The following ISM1 variants were observed in gnomAD, a reference collection of about 807,000 sequenced individuals.
ISM1 encodes the protein isthmin-1.
In ISM1, 25 loss-of-function variants were observed where a neutral mutation model predicts 46.3. That is an observed-to-expected ratio of 0.54 (90% CI 0.39 to 0.75). The LOEUF (loss-of-function observed/expected upper bound fraction) is 0.75. Ranked by LOEUF, ISM1 falls within the 30% of genes least tolerant of loss-of-function variation. The pLI is 0.00. For missense variants in ISM1, 536 were observed against 625.4 expected (o/e 0.86, Z 1.52); for synonymous variants, 255 against 256.7 (o/e 0.99, Z 0.06).
intron 5 of ISM1, among the ~76,000 whole-genome samples, chr20:13,292,923 G>A (rs1238133650): frequency 2.0e-5 from 3 of 152,074 alleles, no homozygotes; most frequent in South Asian, 4.2e-4. Context: ...CGGGCCAGGC[G>A]CGGTGGGTCA....
chr20:13,306,564 C>CAAAAAAAAAAAAAAAAAAAAAAAA, the ISM1 span, among the ~76,000 whole-genome samples: 10 of 63,908 alleles, frequency 1.6e-4, no homozygotes, highest in Non-Finnish European at 2.4e-4. Context: ...GGAGAAAGGA[C>CAAAAAAAAAAAAAAAAAAAAAAAA]AAAAAAAAAA....
the ISM1 span, among the ~76,000 whole-genome samples, chr20:13,321,132 G>T: frequency 6.6e-6 from 1 of 151,700 alleles, no homozygotes; most frequent in Admixed American, 6.6e-5. Context: ...CCAGGAGGAG[G>T]TGAAGGTTTC....
intron 2 of ISM1, 90 bp downstream of exon 2, chr20:13,270,833 A>C: frequency 8.7e-6 from 11 of 1,259,608 alleles, no homozygotes; most frequent in African/African-American, 1.5e-5. Flanking sequence ...GCCTTACCTC[A>C]CTTTTCTTCT....
intron 1 of ISM1, among the ~76,000 whole-genome samples, chr20:13,253,037 G>A (rs1024051405): frequency 2.0e-5 from 3 of 152,206 alleles, no homozygotes; most frequent in African/African-American, 7.2e-5. Context: ...CCATGGACCT[G>A]TGTGGCTTAA....
Position 13,299,601 on chromosome 20 carries a change from C to T in ISM1, c.*142C>T. ...CCACATGAGTATTTCTCATACATTA[C>T]GCTAGGGGCGTGTGCCACGCCCAGG... On this transcript the variant is annotated 3_prime_UTR_variant, in exon 6 of 6. Coordinates refer to ENST00000262487, the MANE Select transcript of ISM1 (RefSeq NM_080826.2). This position sits in a 1 kb window ranked among gnomAD's most constrained non-coding sequence, Gnocchi z 5.8. The T allele has an allele frequency of 3.6e-6, 3 of 823,144 alleles. No individual in the cohort carries two copies. Among genetic ancestry groups the T allele is most frequent in the Non-Finnish European group, 5.6e-6 (3 of 534,644 alleles). The allele number at this position is 823,144 out of a possible 1,614,324, so 51.0% of individuals were successfully genotyped here.
chr20:13,236,706 G>A (rs2123151338), intron 1 of ISM1, among the ~76,000 whole-genome samples: 1 of 152,310 alleles, frequency 6.6e-6, no homozygotes, highest in Middle Eastern at 3.4e-3. Context: ...TTCCAAATGG[G>A]AGAAACTGGC....
chr20:13,280,403 C>CA (rs1555814323), intron 3 of ISM1, among the ~76,000 whole-genome samples: 2 of 129,172 alleles, frequency 1.5e-5, no homozygotes, highest in East Asian at 2.6e-4. Flanking sequence ...CCCCCCCCCC[C>CA]AATACATTTC....
At chr20:13,268,340 T>C (rs1339260741) in intron 1 of ISM1, among the ~76,000 whole-genome samples, 1 of 144,692 alleles carries the variant, frequency 6.9e-6, no homozygotes, top group Non-Finnish European at 1.5e-5. Flanking sequence ...TCCTTCTCCT[T>C]CTTCTTCCTC....
downstream of ISM1, among the ~76,000 whole-genome samples, chr20:13,304,981 C>G (rs1181998715): frequency 1.3e-5 from 2 of 152,140 alleles, no homozygotes; most frequent in Admixed American, 1.3e-4. Flanking sequence ...ACCAAGACAT[C>G]ACTTCACGCT....
At chr20:13,267,519 A>G (rs919025454) in intron 1 of ISM1, among the ~76,000 whole-genome samples, 1 of 152,188 alleles carries the variant, frequency 6.6e-6, no homozygotes, top group Non-Finnish European at 1.5e-5. Flanking sequence ...GGGAGGGTAC[A>G]GGGCTCTTCT....
At chr20:13,236,676 G>T (rs2039654004) in intron 1 of ISM1, among the ~76,000 whole-genome samples, 2 of 152,176 alleles carry the variant, frequency 1.3e-5, no homozygotes, top group South Asian at 2.1e-4. Context: ...GGGGGTACAG[G>T]TATTGGGTAA....
At chr20:13,301,574 C>T (rs672074), downstream of ISM1, among the ~76,000 whole-genome samples, 122,236 of 152,114 alleles carry the variant, frequency 0.8, 49,223 homozygotes, top group East Asian at 0.86. Flanking sequence ...TGTCTAATCA[C>T]GGAATGAGAA....
intron 1 of ISM1, among the ~76,000 whole-genome samples, chr20:13,233,006 G>T (rs1174576643): frequency 6.7e-6 from 1 of 148,688 alleles, no homozygotes; most frequent in East Asian, 2.0e-4. Flanking sequence ...GTTGTGAAAA[G>T]AAAATTCGAT....
At chr20:13,263,480 T>C (rs910386) in intron 1 of ISM1, among the ~76,000 whole-genome samples, 47,774 of 152,028 alleles carry the variant, frequency 0.31, 8,559 homozygotes, top group African/African-American at 0.47. Flanking sequence ...ATCTTAGGAG[T>C]GCTTGCTCCT....
intron 1 of ISM1, among the ~76,000 whole-genome samples, chr20:13,232,804 A>G (rs1399071192): frequency 6.6e-6 from 1 of 152,244 alleles, no homozygotes; most frequent in Non-Finnish European, 1.5e-5. Flanking sequence ...TCCCAGGATG[A>G]TATTTTTCTT....
chr20:13,257,844 G>A (rs560096335), intron 1 of ISM1, among the ~76,000 whole-genome samples: 13 of 152,100 alleles, frequency 8.5e-5, no homozygotes, highest in Non-Finnish European at 5.9e-5. Context: ...TTCTGGAGCC[G>A]AGCAGCATTT....
chr20:13,221,841 C>A lies in ISM1; in HGVS notation c.65C>A (p.Thr22Asn). Residue 22 changes from threonine (T) to asparagine (N), a missense_variant, in exon 1 of 6, where the codon ACC becomes AAC. Physicochemically the swap from Thr to Asn is moderately conservative, Grantham distance 65. Transcript: ENST00000262487. ...LGLLLLTLHI[T>N]VLRGSGAADG... ...CTGCTGCTGCTCACGCTGCACATCA[C>A]CGTGCTGCGCGGCTCGGGAGCCGCC... The A allele has an allele frequency of 1.4e-6, 2 of 1,443,308 alleles. No homozygotes were observed. The highest frequency in any genetic ancestry group is 3.0e-5 in the East Asian group (1 of 32,902). 89.4% of individuals were successfully genotyped at this position (1,443,308 alleles called of 1,614,324 possible). A position where few individuals can be genotyped will look rare whatever the true frequency, so the allele number is the denominator to read the frequency against.
chr20:13,224,036 T>C (rs1026863104), intron 1 of ISM1, among the ~76,000 whole-genome samples: 3 of 152,066 alleles, frequency 2.0e-5, no homozygotes, highest in Non-Finnish European at 4.4e-5. Flanking sequence ...AAAGGGGCTT[T>C]GGCTGAAGAA....
At chr20:13,286,832 T>G (rs569924739) in intron 3 of ISM1, among the ~76,000 whole-genome samples, 1 of 152,292 alleles carries the variant, frequency 6.6e-6, no homozygotes, top group African/African-American at 2.4e-5. Context: ...GCCTATGTAA[T>G]AACAATCGCC....
Sources: gnomAD v4.1 joint callset for allele counts (sites outside exome capture counted in the v4.1 genomes callset) on GRCh38, gnomAD v4.1.1 for gene constraint, Gnocchi (gnomAD v3.1) non-coding constraint, MANE v1.5 for transcripts, NCBI Gene and HGNC (gene_info 2026-07-23, HGNC 2026-07-21) for gene names.